The following SLC5A11 variants were observed in gnomAD, a reference collection of about 807,000 sequenced individuals.
SLC5A11 encodes the protein solute carrier family 5 member 11.
A neutral mutation model predicts 69.8 loss-of-function variants in SLC5A11; 48 were observed. That is an observed-to-expected ratio of 0.69 (90% CI 0.55 to 0.87). SLC5A11 has a LOEUF of 0.87. SLC5A11 is among the 40% of genes least tolerant of loss of function. The probability of loss-of-function intolerance (pLI) is 0.00; values close to 1 mark genes in which losing one functional copy is unlikely to be tolerated. For synonymous variants in SLC5A11, 319 were observed against 342.4 expected, an observed-to-expected ratio of 0.93 and a Z score of 0.75; for missense variants, 784 against 866.1, an observed-to-expected ratio of 0.91 and a Z score of 1.19.
At chr16:24,908,235 G>T (rs1030353559) in intron 13 of SLC5A11, 104 bp downstream of exon 14, 2 of 1,353,456 alleles carry the variant, frequency 1.5e-6, no homozygotes, top group South Asian at 1.4e-5. Flanking sequence ...GGCTGGAATT[G>T]GGTGTTGAGA....
intron 14 of SLC5A11, 48 bp downstream of exon 15, chr16:24,909,144 T>C (rs772215177): frequency 4.4e-6 from 7 of 1,591,628 alleles, no homozygotes; most frequent in East Asian, 2.2e-5. Flanking sequence ...TTGTTGGAAG[T>C]GACAGAAAAC....
Position 24,911,120 on chromosome 16 carries a change from G to A in SLC5A11, c.1823-208G>A, listed in dbSNP as rs530745509. ...GGAGGTGGAGGTTGCAGTGAGCCGA[G>A]ATCACGCCACTGCACTCCAGCCTGG... On this transcript the variant is annotated intron_variant, in intron 15 of 15. Coordinates refer to ENST00000347898, the Ensembl canonical transcript of SLC5A11. Among the ~76,000 whole-genome samples the A allele has an allele frequency of 7.5e-4, 104 of 138,656 alleles. 2 individuals carry two copies. The highest frequency in any genetic ancestry group is 2.7e-3 in the African/African-American group (97 of 35,316). 91.0% of individuals were successfully genotyped at this position (138,656 alleles called of 152,430 possible).
intron 13 of SLC5A11, among the ~76,000 whole-genome samples, chr16:24,908,595 C>CAAAAAAAAA (rs764700253): frequency 5.7e-5 from 4 of 70,602 alleles, no homozygotes; most frequent in Admixed American, 1.9e-4. Flanking sequence ...GAGACTGTCT[C>CAAAAAAAAA]AAAAAAAAAA....
At chr16:24,900,320 T>C (rs1406269867) in intron 10 of SLC5A11, among the ~76,000 whole-genome samples, 1 of 151,978 alleles carries the variant, frequency 6.6e-6, no homozygotes, top group Admixed American at 6.6e-5. Context: ...TAAGAAAGGG[T>C]AGGATGAAGT....
intron 6 of SLC5A11, among the ~76,000 whole-genome samples, 156 bp downstream of exon 7, chr16:24,875,887 G>A (rs892042998): frequency 8.5e-5 from 13 of 152,080 alleles, no homozygotes; most frequent in Non-Finnish European, 1.3e-4. Context: ...GGAGGTAAGC[G>A]TGGACAGAGG....
intron 7 of SLC5A11, among the ~76,000 whole-genome samples, chr16:24,878,405 G>A (rs1319974120): frequency 6.6e-6 from 1 of 152,138 alleles, no homozygotes; most frequent in Non-Finnish European, 1.5e-5. Context: ...AGAAGTACCT[G>A]TTTTTAAATA....
chr16:24,848,501 G>C (rs953196321), intron 1 of SLC5A11, among the ~76,000 whole-genome samples: 9 of 152,192 alleles, frequency 5.9e-5, no homozygotes, highest in Non-Finnish European at 8.8e-5. Context: ...GCTCACACCT[G>C]TAATCCCAGC....
intron 10 of SLC5A11, among the ~76,000 whole-genome samples, chr16:24,904,728 A>G (rs949959312): frequency 6.6e-6 from 1 of 152,160 alleles, no homozygotes; most frequent in Non-Finnish European, 1.5e-5. Flanking sequence ...GTGAGCCTGG[A>G]AAAAAACCCT....
chr16:24,868,629 A>G (rs2047074145), intron 3 of SLC5A11, among the ~76,000 whole-genome samples: 1 of 151,540 alleles, frequency 6.6e-6, no homozygotes, highest in Non-Finnish European at 1.5e-5. Context: ...ACACTTCCCA[A>G]TTTGAAAACT....
At chr16:24,854,950 T>C (rs181247381) in intron 1 of SLC5A11, among the ~76,000 whole-genome samples, 2 of 151,048 alleles carry the variant, frequency 1.3e-5, no homozygotes, top group East Asian at 3.9e-4. Flanking sequence ...TAGGTTAGGT[T>C]AGCCTTGTGT....
chr16:24,858,568 G>A lies in SLC5A11; in HGVS notation c.-24-52G>A, dbSNP rs1355874248. 4.6e-6 allele frequency: 7 copies of A among 1,517,020 alleles called. No homozygotes were observed. In the East Asian group the frequency reaches 1.6e-4, roughly 35 times the overall value. The allele number at this position is 1,517,020 out of a possible 1,614,324, so 94.0% of individuals were successfully genotyped here. On this transcript the variant is annotated intron_variant, in intron 1 of 15. Transcript: ENST00000347898. ...CTAGGGAGGTAGCTACAGAAAGGGT[G>A]AGAAGAATGATGCTAGGATCTGGCA...
intron 3 of SLC5A11, 103 bp from the exon 5 acceptor site, chr16:24,869,798 C>G: frequency 1.3e-6 from 1 of 792,284 alleles, no homozygotes; most frequent in Non-Finnish European, 2.1e-6. Flanking sequence ...CTGCCTTCCT[C>G]TACTTCTCTT....
At chr16:24,905,626 A>ACG (rs1491417445) in intron 10 of SLC5A11, among the ~76,000 whole-genome samples, 7 of 84,256 alleles carry the variant, frequency 8.3e-5, no homozygotes, top group East Asian at 7.1e-4. Context: ...CATCTCAAAA[A>ACG]CACGCGCGCG....
intron 8 of SLC5A11, among the ~76,000 whole-genome samples, chr16:24,885,521 G>A (rs569612705): frequency 1.3e-5 from 2 of 151,970 alleles, no homozygotes; most frequent in Non-Finnish European, 2.9e-5. Context: ...GGTGGCATGT[G>A]CCTGTAGTCC....
At chr16:24,858,104 G>C (rs963442048) in intron 1 of SLC5A11, among the ~76,000 whole-genome samples, 1 of 152,198 alleles carries the variant, frequency 6.6e-6, no homozygotes, top group South Asian at 2.1e-4. Flanking sequence ...TTGCAGGTTA[G>C]TAAACACTTA....
In SLC5A11 at chr16:24,898,187, A is replaced by T. The variant is rs1597250559; in HGVS notation, c.1006+78A>T. 16 of 1,519,702 alleles carry T rather than the reference A, an allele frequency of 1.1e-5. No homozygotes were observed. In the East Asian group the frequency reaches 3.4e-4, roughly 32 times the overall value. The allele number at this position is 1,519,702 out of a possible 1,614,324, so 94.1% of individuals were successfully genotyped here. A position where few individuals can be genotyped will look rare whatever the true frequency, so the allele number is the denominator to read the frequency against. ...TGAATTATTCTAAACATATTATTAG[A>T]AGCCTCAAGAGAATGTGACTACAGT... is the stretch of plus-strand genomic sequence containing the variant. On this transcript the variant is annotated intron_variant, in intron 10 of 15. Transcript: ENST00000347898.
chr16:24,876,198 A>AAAAAAG (rs1318851248), intron 6 of SLC5A11, among the ~76,000 whole-genome samples: 1 of 148,810 alleles, frequency 6.7e-6, no homozygotes, highest in East Asian at 1.9e-4. Flanking sequence ...TCTGTGTCAA[A>AAAAAAG]AAAAAGAAAA....
At chr16:24,864,809 G>T (rs1245977611) in intron 3 of SLC5A11, among the ~76,000 whole-genome samples, 1 of 145,132 alleles carries the variant, frequency 6.9e-6, no homozygotes, top group African/African-American at 2.7e-5. Flanking sequence ...TAAAGAGATA[G>T]ATTTTTTTTT....
chr16:24,880,677 A>G (rs2047987133), intron 7 of SLC5A11, among the ~76,000 whole-genome samples: 1 of 152,062 alleles, frequency 6.6e-6, no homozygotes, highest in Admixed American at 6.6e-5. Context: ...TGAGAACTCT[A>G]TCACCAGACA....
Sources: gnomAD v4.1 joint callset for allele counts (sites outside exome capture counted in the v4.1 genomes callset) on GRCh38, gnomAD v4.1.1 for gene constraint, MANE v1.5 for transcripts, NCBI Gene and HGNC (gene_info 2026-07-23, HGNC 2026-07-21) for gene names.